The following CACNA2D3 variants were observed in gnomAD, a reference collection of about 807,000 sequenced individuals.
The protein encoded by CACNA2D3 is calcium voltage-gated channel auxiliary subunit alpha2delta 3.
Under a neutral mutation model 160.6 loss-of-function variants are expected in CACNA2D3, and 60 were observed. That is an observed-to-expected ratio of 0.37 (90% CI 0.30 to 0.46). The LOEUF is 0.46. CACNA2D3 is among the 20% of genes least tolerant of loss of function. The pLI, the probability that CACNA2D3 is intolerant of heterozygous loss-of-function variation, is 1.00. For missense variants in CACNA2D3, 1,205 were observed against 1,365.0 expected (o/e 0.88, Z 1.85); for synonymous variants, 558 against 492.9 (o/e 1.13, Z -1.75).
chr3:54,643,384 C>T (rs544849669), intron 11 of CACNA2D3, among the ~76,000 whole-genome samples: 3 of 152,292 alleles, frequency 2.0e-5, no homozygotes, highest in Non-Finnish European at 2.9e-5. Context: ...TTTAAGACTA[C>T]GTACATTTTG....
rs1190196187 is a variant in CACNA2D3 at position 54,646,122 on chromosome 3, CCTTT to C, written c.1167+3885_1167+3888del. Among the ~76,000 whole-genome samples, 73 of 75,212 alleles carry C rather than the reference CCTTT, an allele frequency of 9.7e-4. 1 individual carries two copies. Among genetic ancestry groups the C allele is most frequent in the Admixed American group, 3.1e-3 (17 of 5,442 alleles). 49.3% of individuals were successfully genotyped at this position (75,212 alleles called of 152,430 possible). Reference sequence around the variant, plus strand: ...GCAGGTTTTCCTTCCTTCCTTCCTTCCTTTCTTCCTTCCTTCCTTCCTTCCTTCC... The same window carrying C: ...GCAGGTTTTCCTTCCTTCCTTCCTTCCTTCCTTCCTTCCTTCCTTCCTTCC... On this transcript the variant is annotated intron_variant, in intron 11 of 37. Coordinates refer to ENST00000474759, the MANE Select transcript of CACNA2D3 (RefSeq NM_018398.3).
At chr3:54,790,657 T>A (rs995622621) in intron 13 of CACNA2D3, among the ~76,000 whole-genome samples, 1 of 152,140 alleles carries the variant, frequency 6.6e-6, no homozygotes, top group Non-Finnish European at 1.5e-5. Context: ...ACAGCTAGAA[T>A]AGCAGCAGAA....
intron 35 of CACNA2D3, among the ~76,000 whole-genome samples, chr3:55,030,288 A>G (rs1703661525): frequency 1.3e-5 from 2 of 152,186 alleles, no homozygotes; most frequent in South Asian, 2.1e-4. Flanking sequence ...CATAAAAACC[A>G]ATTTCTTTCC....
chr3:54,956,949 G>C (rs974220152), intron 27 of CACNA2D3, among the ~76,000 whole-genome samples: 12 of 152,066 alleles, frequency 7.9e-5, no homozygotes, highest in African/African-American at 2.4e-4. Flanking sequence ...CTTCTTAGTA[G>C]GAGACTTGAG....
chr3:54,452,983 TTCTC>T (rs1477613016), intron 4 of CACNA2D3, among the ~76,000 whole-genome samples: 1 of 151,846 alleles, frequency 6.6e-6, no homozygotes, highest in Non-Finnish European at 1.5e-5. Context: ...CTCTTTTTCT[TTCTC>T]TCTCTCTTTC....
chr3:54,183,434 G>A (rs985898954), intron 2 of CACNA2D3, among the ~76,000 whole-genome samples: 2 of 151,976 alleles, frequency 1.3e-5, no homozygotes, highest in African/African-American at 4.8e-5. Context: ...CTGATTGGTG[G>A]CAGGGTTAGA....
chr3:54,736,024 C>CACAT (rs1559563483), intron 11 of CACNA2D3, among the ~76,000 whole-genome samples: 893 of 65,160 alleles, frequency 0.014, 62 homozygotes, highest in African/African-American at 0.062. Context: ...TATACACATA[C>CACAT]ATATATATAT....
At chr3:54,924,641 C>A (rs769756063) in intron 27 of CACNA2D3, 8 of 1,613,884 alleles carry the variant, frequency 5.0e-6, no homozygotes, top group Non-Finnish European at 5.9e-6. Context: ...ATTTCTCCAG[C>A]CAGAGTTTAA....
rs1699730175 is a variant in CACNA2D3 at position 54,879,061 on chromosome 3, T to C, written c.1754T>C (p.Met585Thr). Residue 585 changes from methionine (M) to threonine (T), a missense_variant, in exon 19 of 38, where the codon ATG (methionine) becomes ACG (threonine). Coordinates refer to ENST00000474759, the MANE Select transcript of CACNA2D3 (RefSeq NM_018398.3). ...MVNRKTGKFSMEVKKTVDKGK... is the reference protein window; with the variant it reads ...MVNRKTGKFSTEVKKTVDKGK... ...AATCGAAAGACGGGGAAGTTTTCCA[T>C]GGAGGTGAAGAAGACAGTGGACAAA... 6.2e-7 allele frequency: 1 copy of C among 1,606,792 alleles called. No individual in the cohort carries two copies. The highest frequency in any genetic ancestry group is 8.5e-7 in the Non-Finnish European group (1 of 1,177,294).
intron 11 of CACNA2D3, among the ~76,000 whole-genome samples, chr3:54,677,767 G>A (rs887222106): frequency 2.6e-5 from 4 of 152,092 alleles, no homozygotes; most frequent in Non-Finnish European, 5.9e-5. Flanking sequence ...AACCAAAGAG[G>A]ATATTGGAAT....
intron 2 of CACNA2D3, among the ~76,000 whole-genome samples, chr3:54,285,015 C>T (rs996152089): frequency 8.5e-5 from 13 of 152,276 alleles, no homozygotes; most frequent in East Asian, 5.8e-4. Context: ...ATGCAGAAGA[C>T]GGGTGATTTC....
chr3:54,390,504 T>C (rs1014519661), intron 4 of CACNA2D3, among the ~76,000 whole-genome samples: 4 of 152,204 alleles, frequency 2.6e-5, no homozygotes, highest in Non-Finnish European at 4.4e-5. Flanking sequence ...GAGGGTACCA[T>C]TGTGGTCTGA....
chr3:54,370,359 G>A (rs1698903327), intron 3 of CACNA2D3, among the ~76,000 whole-genome samples: 1 of 152,130 alleles, frequency 6.6e-6, no homozygotes, highest in South Asian at 2.1e-4. Flanking sequence ...TATTTATTTA[G>A]CGTTTCTTGT....
chr3:54,286,743 A>G lies in CACNA2D3; in HGVS notation c.205-33699A>G, dbSNP rs374813766. On this transcript the variant is annotated intron_variant, in intron 2 of 37. Coordinates refer to ENST00000474759, the MANE Select transcript of CACNA2D3 (RefSeq NM_018398.3). ...AACCGGATCTCTCGGCAGAAACTCTACAAGCCAGAAGAGAGTGGGGGCCAA... is the reference window on the plus strand; with the variant it reads ...AACCGGATCTCTCGGCAGAAACTCTGCAAGCCAGAAGAGAGTGGGGGCCAA... 7.9e-4 allele frequency among the ~76,000 whole-genome samples: 121 copies of G among 152,354 alleles called. No individual in the cohort carries two copies. In the South Asian group the frequency reaches 0.025, roughly 31 times the overall value.
chr3:54,553,985 G>A (rs1449565785), intron 5 of CACNA2D3, among the ~76,000 whole-genome samples: 5 of 152,168 alleles, frequency 3.3e-5, no homozygotes, highest in African/African-American at 7.2e-5. Context: ...TTGCCTATCT[G>A]CTAAAATCCT....
chr3:54,531,446 A>G (rs570372627), intron 5 of CACNA2D3, among the ~76,000 whole-genome samples: 2 of 152,286 alleles, frequency 1.3e-5, no homozygotes, highest in East Asian at 1.9e-4. Flanking sequence ...TCATGTTTCA[A>G]TCTCGTTTTG....
intron 27 of CACNA2D3, among the ~76,000 whole-genome samples, chr3:54,946,487 A>G (rs1701617738): frequency 6.6e-6 from 1 of 152,122 alleles, no homozygotes; most frequent in African/African-American, 2.4e-5. Context: ...AAATGAAAGG[A>G]GGGGGGATGT....
chr3:54,487,605 A>T (rs112120018), intron 4 of CACNA2D3, among the ~76,000 whole-genome samples: 3,694 of 152,288 alleles, frequency 0.024, 131 homozygotes, highest in African/African-American at 0.083. Flanking sequence ...CATGAACAAG[A>T]TTAAAAATAT....
At chr3:54,250,972 G>A (rs887590520) in intron 2 of CACNA2D3, among the ~76,000 whole-genome samples, 1 of 152,116 alleles carries the variant, frequency 6.6e-6, no homozygotes, top group African/African-American at 2.4e-5. Flanking sequence ...GTAAAGATCT[G>A]AGTAAAGAGC....
Sources: allele counts gnomAD v4.1 joint callset (sites outside exome capture counted in the v4.1 genomes callset), GRCh38; gene constraint gnomAD v4.1.1; transcripts MANE v1.5; gene names NCBI Gene and HGNC (gene_info 2026-07-23, HGNC 2026-07-21).